Variants in STPG2 observed in about 807,000 individuals in gnomAD.
STPG2 encodes sperm tail PG-rich repeat containing 2.
STPG2 carries 56 observed loss-of-function variants against 54.2 expected under a neutral mutation model. The ratio of observed to expected loss-of-function variants is 1.03; its 90% CI spans 0.83 to 1.29. The LOEUF (loss-of-function observed/expected upper bound fraction) is 1.29, where lower values mean the gene tolerates loss of function less well. STPG2 is among the 50% of genes most tolerant of loss of function. The pLI is 0.00. For synonymous variants in STPG2, 200 were observed against 181.8 expected (o/e 1.10, Z -0.81); for missense variants, 596 against 544.9 (o/e 1.09, Z -0.93).
At chr4:97,626,336 T>C (rs983402411) in intron 10 of STPG2, among the ~76,000 whole-genome samples, 5 of 152,128 alleles carry the variant, frequency 3.3e-5, no homozygotes, top group Non-Finnish European at 5.9e-5. Flanking sequence ...TCCTGAAATA[T>C]ATTCTTCTTC....
chr4:97,685,875 G>A (rs563040682), intron 10 of STPG2, among the ~76,000 whole-genome samples: 2 of 152,266 alleles, frequency 1.3e-5, no homozygotes, highest in East Asian at 3.9e-4. Context: ...AAAAAGGCAA[G>A]GAGAGCAGTC....
intron 8 of STPG2, among the ~76,000 whole-genome samples, chr4:97,914,495 T>C (rs1731801068): frequency 6.6e-6 from 1 of 152,116 alleles, no homozygotes; most frequent in African/African-American, 2.4e-5. Context: ...CAGTACTAAG[T>C]ACCTTACCAT....
chr4:97,441,729 T>C (rs1319932214), intron 4 of STPG2, among the ~76,000 whole-genome samples: 1 of 152,034 alleles, frequency 6.6e-6, no homozygotes, highest in Non-Finnish European at 1.5e-5. Context: ...TATTATGTCA[T>C]AATTCTGGCT....
chr4:97,699,407 T>C (rs1045247902), intron 10 of STPG2, among the ~76,000 whole-genome samples: 19 of 152,208 alleles, frequency 1.2e-4, no homozygotes, highest in Non-Finnish European at 7.3e-5. Context: ...TCACATGGGA[T>C]ACAAATATCT....
intron 10 of STPG2, among the ~76,000 whole-genome samples, chr4:97,693,622 C>T (rs1578485210): frequency 1.3e-5 from 2 of 152,118 alleles, no homozygotes; most frequent in African/African-American, 4.8e-5. Context: ...CTAGACAGGT[C>T]ATCAAGACAG....
chr4:97,903,065 T>C (rs1234931002), intron 8 of STPG2, among the ~76,000 whole-genome samples: 2 of 152,166 alleles, frequency 1.3e-5, no homozygotes, highest in Non-Finnish European at 2.9e-5. Flanking sequence ...GGAGTCAGGA[T>C]ATCAGAAAAA....
intron 9 of STPG2, among the ~76,000 whole-genome samples, chr4:97,735,142 G>A (rs1724936595): frequency 6.6e-6 from 1 of 151,696 alleles, no homozygotes; most frequent in South Asian, 2.1e-4. Flanking sequence ...TATGGAGTGG[G>A]TGAAAATATT....
chr4:97,882,692 C>A (rs886295981), intron 8 of STPG2, among the ~76,000 whole-genome samples: 3 of 151,938 alleles, frequency 2.0e-5, no homozygotes, highest in Non-Finnish European at 4.4e-5. Flanking sequence ...GAACAGCCAC[C>A]CAAAACATAA....
chr4:98,138,362 T>C (rs1363365468), intron 1 of STPG2, among the ~76,000 whole-genome samples: 2 of 152,006 alleles, frequency 1.3e-5, no homozygotes, highest in Non-Finnish European at 2.9e-5. Flanking sequence ...ATTAAGTGTA[T>C]AGAAGAGGAG....
chr4:98,038,752 G>A (rs911395765), intron 5 of STPG2, among the ~76,000 whole-genome samples: 36 of 151,876 alleles, frequency 2.4e-4, no homozygotes, highest in African/African-American at 8.2e-4. Context: ...AAAGTAAAAC[G>A]AATAGCCAAG....
At chr4:97,701,243 T>A (rs1212737935) in intron 10 of STPG2, among the ~76,000 whole-genome samples, 1 of 152,176 alleles carries the variant, frequency 6.6e-6, no homozygotes, top group Non-Finnish European at 1.5e-5. Flanking sequence ...ATGCCAGTTA[T>A]GCATCCTGGC....
At chr4:97,664,025 T>C (rs566467047) in intron 10 of STPG2, among the ~76,000 whole-genome samples, 3 of 152,278 alleles carry the variant, frequency 2.0e-5, no homozygotes, top group African/African-American at 7.2e-5. Context: ...GATGTGACAG[T>C]AGGTATATAT....
chr4:97,914,314 T>A (rs759352181), intron 8 of STPG2, among the ~76,000 whole-genome samples: 1 of 152,050 alleles, frequency 6.6e-6, no homozygotes, highest in Non-Finnish European at 1.5e-5. Context: ...TGGTCCACCA[T>A]CACTGTAAAA....
chr4:97,928,734 C>T (rs894990402), intron 8 of STPG2, among the ~76,000 whole-genome samples: 3 of 151,936 alleles, frequency 2.0e-5, no homozygotes, highest in Non-Finnish European at 2.9e-5. Flanking sequence ...CATCTGTTAA[C>T]TCTGCATTAT....
intron 9 of STPG2, among the ~76,000 whole-genome samples, chr4:97,789,834 C>T (rs1167655004): frequency 6.6e-6 from 1 of 152,108 alleles, no homozygotes; most frequent in Non-Finnish European, 1.5e-5. Flanking sequence ...ACCCATTACA[C>T]TAAGATACTG....
intron 6 of STPG2, among the ~76,000 whole-genome samples, chr4:97,976,072 C>G (rs1284665720): frequency 6.6e-6 from 1 of 152,162 alleles, no homozygotes; most frequent in Non-Finnish European, 1.5e-5. Context: ...ACTTCTGACA[C>G]ATATAAGATT....
intron 5 of STPG2, among the ~76,000 whole-genome samples, chr4:97,995,332 G>A (rs899516603): frequency 2.0e-5 from 3 of 152,134 alleles, no homozygotes; most frequent in Non-Finnish European, 2.9e-5. Context: ...CTCCTTCAAT[G>A]TGTCTGTGAA....
chr4:97,872,556 G>A (rs1429624371), intron 8 of STPG2, among the ~76,000 whole-genome samples: 1 of 150,926 alleles, frequency 6.6e-6, no homozygotes, highest in Non-Finnish European at 1.5e-5. Flanking sequence ...GTAAGAATAA[G>A]TATTCAAAAA....
At chr4:98,020,966 C>T (rs1251311213) in intron 5 of STPG2, among the ~76,000 whole-genome samples, 1 of 152,112 alleles carries the variant, frequency 6.6e-6, no homozygotes, top group African/African-American at 2.4e-5. Context: ...TTTCAAAAAA[C>T]CAGCTCCTGG....
Sources: allele counts gnomAD v4.1 joint callset (sites outside exome capture counted in the v4.1 genomes callset), GRCh38; gene constraint gnomAD v4.1.1; transcripts MANE v1.5; gene names NCBI Gene and HGNC (gene_info 2026-07-23, HGNC 2026-07-21).